ZNF654: variants seen among roughly 807,000 people sequenced by gnomAD.
ZNF654 encodes the protein melanoma-associated antigen.
A neutral mutation model predicts 95.3 loss-of-function variants in ZNF654; 19 were observed. The ratio of observed to expected loss-of-function variants is 0.20; its 90% confidence interval spans 0.14 to 0.29. The LOEUF is 0.29. ZNF654 is among the 10% of genes least tolerant of loss of function. The probability of loss-of-function intolerance (pLI) is 1.00; values close to 1 mark genes in which losing one functional copy is unlikely to be tolerated. For synonymous variants in ZNF654, 413 were observed against 457.9 expected (o/e 0.90, Z 1.25); for missense variants, 1,046 against 1,341.0 (o/e 0.78, Z 3.44).
intron 1 of ZNF654, among the ~76,000 whole-genome samples, chr3:88,074,573 C>A (rs1342485018): frequency 1.3e-5 from 2 of 152,062 alleles, no homozygotes; most frequent in Admixed American, 6.6e-5. Flanking sequence ...AACTCCTGAC[C>A]TCAAGTGATC....
chr3:88,087,889 C>G (rs1329451027), intron 2 of ZNF654, among the ~76,000 whole-genome samples: 5 of 152,176 alleles, frequency 3.3e-5, no homozygotes, highest in African/African-American at 1.2e-4. Flanking sequence ...AATCTGACAT[C>G]TGAAATGCTC....
chr3:88,077,684 T>G (rs1351194966), intron 1 of ZNF654, among the ~76,000 whole-genome samples: 1 of 55,316 alleles, frequency 1.8e-5, no homozygotes, highest in Non-Finnish European at 5.4e-5. Context: ...TGAAACATGC[T>G]GTAATACTTA....
chr3:88,064,700 G>A (rs907001382), intron 1 of ZNF654, among the ~76,000 whole-genome samples: 2 of 152,168 alleles, frequency 1.3e-5, no homozygotes, highest in Non-Finnish European at 2.9e-5. Flanking sequence ...CTACCCATCT[G>A]TAGATATCTC....
Position 88,142,498 on chromosome 3 carries a change from T to G in ZNF654, c.*846T>G, listed in dbSNP as rs1707180370. 1 of 152,382 alleles carries G rather than the reference T, an allele frequency of 6.6e-6. No individual in the cohort carries two copies. The highest frequency in any genetic ancestry group is 2.4e-5 in the African/African-American group (1 of 41,446). 9.4% of individuals were successfully genotyped at this position (152,382 alleles called of 1,614,324 possible). ...AGGAAAACACTGAATTGCAAATTAT[T>G]CAATGTGAATAATGGTAAAAGCACA... On this transcript the variant is annotated 3_prime_UTR_variant, in exon 9 of 9. Coordinates refer to ENST00000636215, the MANE Select transcript of ZNF654 (RefSeq NM_001350134.2).
chr3:88,112,702 C>T lies in ZNF654; in HGVS notation c.333-413C>T, dbSNP rs565019698. 6.6e-5 allele frequency among the ~76,000 whole-genome samples: 10 copies of T among 151,942 alleles called. No individual in the cohort carries two copies. In the East Asian group the frequency reaches 1.9e-3, roughly 29 times the overall value. On this transcript the variant is annotated intron_variant, in intron 2 of 8. Coordinates refer to ENST00000636215, the MANE Select transcript of ZNF654 (RefSeq NM_001350134.2). ...GTTTTTGTGTTAATTTTATTCAACT[C>T]TTGTATCACCCTGAAAAAAATGAGA...
intron 1 of ZNF654, among the ~76,000 whole-genome samples, chr3:88,063,147 A>G (rs1335705773): frequency 1.3e-5 from 2 of 152,160 alleles, no homozygotes; most frequent in Non-Finnish European, 2.9e-5. Flanking sequence ...TGCTGCTGAC[A>G]TCTAGTGCAT....
chr3:88,116,939 G>C (rs1160617936), intron 3 of ZNF654, among the ~76,000 whole-genome samples: 1 of 152,072 alleles, frequency 6.6e-6, no homozygotes, highest in Non-Finnish European at 1.5e-5. Context: ...GACTAAAGAG[G>C]ATAAATACCT....
chr3:88,062,992 C>A (rs1170272182), intron 1 of ZNF654, among the ~76,000 whole-genome samples: 1 of 152,114 alleles, frequency 6.6e-6, no homozygotes, highest in Non-Finnish European at 1.5e-5. Context: ...TTCTTAAATT[C>A]TGTTATTTAA....
intron 1 of ZNF654, among the ~76,000 whole-genome samples, chr3:88,065,891 G>A (rs370551941): frequency 1.1e-4 from 17 of 152,128 alleles, no homozygotes; most frequent in African/African-American, 4.1e-4. Flanking sequence ...GCACCACCAT[G>A]CCCGGCTAAA....
At chr3:88,099,960 C>T (rs1164133662) in intron 2 of ZNF654, among the ~76,000 whole-genome samples, 1 of 152,158 alleles carries the variant, frequency 6.6e-6, no homozygotes, top group Non-Finnish European at 1.5e-5. Flanking sequence ...CAACAAAAGC[C>T]AAAATTGACA....
At chr3:88,067,552 C>T (rs1189715617) in intron 1 of ZNF654, among the ~76,000 whole-genome samples, 1 of 152,188 alleles carries the variant, frequency 6.6e-6, no homozygotes, top group Non-Finnish European at 1.5e-5. Context: ...AAGGATGAGT[C>T]TTCAAATAAA....
chr3:88,097,105 GT>G (rs1704109509), intron 2 of ZNF654, among the ~76,000 whole-genome samples: 2 of 151,988 alleles, frequency 1.3e-5, no homozygotes, highest in Admixed American at 1.3e-4. Context: ...ATCTTTTGCT[GT>G]TATCAACAAC....
intron 7 of ZNF654, among the ~76,000 whole-genome samples, 173 bp from the exon 8 acceptor site, chr3:88,138,532 A>G (rs1165753535): frequency 2.0e-5 from 3 of 152,196 alleles, no homozygotes; most frequent in Non-Finnish European, 2.9e-5. Context: ...TAAGAAAAAG[A>G]GAAAGGTATA....
intron 1 of ZNF654, among the ~76,000 whole-genome samples, chr3:88,085,343 T>C (rs897702869): frequency 6.6e-6 from 1 of 152,260 alleles, no homozygotes; most frequent in Non-Finnish European, 1.5e-5. Flanking sequence ...CATAAATGGA[T>C]GAACCTGGTT....
intron 1 of ZNF654, among the ~76,000 whole-genome samples, chr3:88,063,365 G>A (rs1048865268): frequency 2.6e-5 from 4 of 152,096 alleles, no homozygotes; most frequent in Non-Finnish European, 4.4e-5. Flanking sequence ...TTTAAGTAAC[G>A]ACTGTGGGCC....
In ZNF654 at chr3:88,133,342, T is replaced by C. The variant is rs565696002; in HGVS notation, c.894-1719T>C. ...TCTCTTATTTCCAATTCCATGTTCT[T>C]GCCACTGCATCCACTAAACAATGTG... On this transcript the variant is annotated intron_variant, in intron 6 of 8. Transcript: ENST00000636215. 5.3e-4 allele frequency among the ~76,000 whole-genome samples: 80 copies of C among 152,312 alleles called. 2 individuals carry two copies. The South Asian group carries it at 0.016, about 30-fold the overall frequency.
chr3:88,141,859 G>A lies in ZNF654; in HGVS notation c.*207G>A, dbSNP rs1197863614. 2 of 402,610 alleles carry A rather than the reference G, an allele frequency of 5.0e-6. No homozygotes were observed. The highest frequency in any genetic ancestry group is 9.0e-6 in the Non-Finnish European group (2 of 223,378). The allele number at this position is 402,610 out of a possible 1,614,324, so 24.9% of individuals were successfully genotyped here. ...CCAAAAGGATTATAAAACTCCCAAA[G>A]TACCAGTTTTCCAGAAAACCACATT... On this transcript the variant is annotated 3_prime_UTR_variant, in exon 9 of 9. Transcript: ENST00000636215.
intron 2 of ZNF654, among the ~76,000 whole-genome samples, chr3:88,090,909 C>T (rs4858995): frequency 0.78 from 119,223 of 152,166 alleles, 47,622 homozygotes; most frequent in South Asian, 0.91. Flanking sequence ...AGAAAGTTTA[C>T]GAATTTGTGT....
chr3:88,066,352 T>C (rs1358299928), intron 1 of ZNF654, among the ~76,000 whole-genome samples: 2 of 152,090 alleles, frequency 1.3e-5, no homozygotes, highest in Non-Finnish European at 2.9e-5. Context: ...GGCAGGCAAA[T>C]TGCTTGAGCT....
Sources: allele counts gnomAD v4.1 joint callset (sites outside exome capture counted in the v4.1 genomes callset), GRCh38; gene constraint gnomAD v4.1.1; transcripts MANE v1.5; gene names NCBI Gene and HGNC (gene_info 2026-07-23, HGNC 2026-07-21).